Variants in GNB4 observed in about 807,000 individuals in gnomAD.
GNB4 encodes the protein guanine nucleotide-binding protein subunit beta-4.
GNB4 carries 28 observed loss-of-function variants against 45.2 expected under a neutral mutation model. The ratio of observed to expected loss-of-function variants is 0.62; its 90% CI spans 0.46 to 0.85. The LOEUF (loss-of-function observed/expected upper bound fraction) is 0.85, where lower values mean the gene tolerates loss of function less well. GNB4 is among the 40% of genes least tolerant of loss of function. The pLI, the probability that GNB4 is intolerant of heterozygous loss-of-function variation, is 0.00. For synonymous variants in GNB4, 132 were observed against 143.7 expected (o/e 0.92, Z 0.58); for missense variants, 321 against 425.4 (o/e 0.75, Z 2.16).
At chr3:179,421,754 T>A (rs1275800282) in intron 2 of GNB4, among the ~76,000 whole-genome samples, 1 of 152,216 alleles carries the variant, frequency 6.6e-6, no homozygotes, top group Non-Finnish European at 1.5e-5. Context: ...AACCTATTTA[T>A]AACCACTCAG....
chr3:179,465,075 C>A, the GNB4 span: 1 of 1,466,506 alleles, frequency 6.8e-7, no homozygotes, highest in Non-Finnish European at 9.5e-7. Flanking sequence ...AAGAAACATA[C>A]AATTCTTGCA....
intron 2 of GNB4, among the ~76,000 whole-genome samples, chr3:179,423,210 A>G (rs2108599755): frequency 6.6e-6 from 1 of 152,308 alleles, no homozygotes; most frequent in East Asian, 1.9e-4. Context: ...CGCCCACGAC[A>G]TTGTGCTTGG....
intron 1 of GNB4, among the ~76,000 whole-genome samples, chr3:179,443,156 GC>G (rs1715635322): frequency 6.6e-6 from 1 of 152,136 alleles, no homozygotes. Flanking sequence ...TGCTAACTCC[GC>G]TTCATAGGAC....
the GNB4 span, among the ~76,000 whole-genome samples, chr3:179,473,675 G>A: frequency 5.3e-5 from 8 of 152,204 alleles, no homozygotes; most frequent in Non-Finnish European, 5.9e-5. Flanking sequence ...CCAACAGACC[G>A]TTCTGTTTCT....
the GNB4 span, among the ~76,000 whole-genome samples, chr3:179,520,797 A>G: frequency 5.8e-4 from 88 of 151,802 alleles, 1 homozygote; most frequent in African/African-American, 2.0e-3. Context: ...CATTTCCCCA[A>G]ATTTCCTTCT....
At chr3:179,406,376 C>T (rs1714470576) in intron 8 of GNB4, among the ~76,000 whole-genome samples, 4 of 152,134 alleles carry the variant, frequency 2.6e-5, no homozygotes, top group African/African-American at 9.7e-5. Context: ...TAGTGTATTT[C>T]CTCCCCACAT....
chr3:179,458,259 C>T, the GNB4 span, among the ~76,000 whole-genome samples: 1 of 152,174 alleles, frequency 6.6e-6, no homozygotes, highest in African/African-American at 2.4e-5. Flanking sequence ...TACCACTTCA[C>T]CATCCAAATG....
the GNB4 span, among the ~76,000 whole-genome samples, chr3:179,470,627 C>T: frequency 6.6e-6 from 1 of 151,744 alleles, no homozygotes; most frequent in African/African-American, 2.4e-5. Context: ...TCACTGCAAC[C>T]TCTGCCTCCT....
intron 4 of GNB4, among the ~76,000 whole-genome samples, chr3:179,417,890 T>C (rs1457479177): frequency 6.6e-6 from 1 of 152,128 alleles, no homozygotes; most frequent in Non-Finnish European, 1.5e-5. Context: ...TAGTGGGGTA[T>C]AGGATGGCAT....
chr3:179,520,901 T>C, the GNB4 span, among the ~76,000 whole-genome samples: 1 of 152,134 alleles, frequency 6.6e-6, no homozygotes, highest in Non-Finnish European at 1.5e-5. Context: ...TATGCTATAG[T>C]ACAAGCCACT....
At chr3:179,425,510 A>G (rs1715116165) in intron 2 of GNB4, among the ~76,000 whole-genome samples, 1 of 152,260 alleles carries the variant, frequency 6.6e-6, no homozygotes, top group South Asian at 2.1e-4. Flanking sequence ...TCGCTCTGTC[A>G]CCCAGGCTGG....
At chr3:179,466,036 A>G in the GNB4 span, among the ~76,000 whole-genome samples, 1 of 113,736 alleles carries the variant, frequency 8.8e-6, no homozygotes, top group Non-Finnish European at 1.7e-5. Context: ...TTTGAGATTG[A>G]GTCTCGCTCT....
chr3:179,447,210 G>A (rs1454716353), intron 1 of GNB4, among the ~76,000 whole-genome samples: 2 of 152,004 alleles, frequency 1.3e-5, no homozygotes, highest in African/African-American at 2.4e-5. Flanking sequence ...CAAAGGCCCA[G>A]GCAGAAACTA....
At chr3:179,429,952 T>C (rs952026306) in intron 1 of GNB4, among the ~76,000 whole-genome samples, 1 of 152,138 alleles carries the variant, frequency 6.6e-6, no homozygotes, top group Non-Finnish European at 1.5e-5. Flanking sequence ...ATCTATATCA[T>C]AAAGTAGAAG....
chr3:179,516,377 T>C, the GNB4 span, among the ~76,000 whole-genome samples: 1 of 152,216 alleles, frequency 6.6e-6, no homozygotes, highest in South Asian at 2.1e-4. Flanking sequence ...TTTCAGACTC[T>C]GTGGGAAAGG....
the GNB4 span, chr3:179,465,398 C>T: frequency 1.3e-4 from 75 of 566,608 alleles, no homozygotes; most frequent in African/African-American, 5.1e-4. Flanking sequence ...GATCAGGAAA[C>T]GGAGACCATC....
the GNB4 span, among the ~76,000 whole-genome samples, chr3:179,495,104 C>A: frequency 2.0e-5 from 3 of 151,776 alleles, no homozygotes; most frequent in African/African-American, 7.3e-5. Flanking sequence ...GAATTGAAAG[C>A]TAGCTGGGCA....
chr3:179,451,772 C>A (rs1035639887), upstream of GNB4, among the ~76,000 whole-genome samples: 4 of 152,170 alleles, frequency 2.6e-5, no homozygotes, highest in Admixed American at 2.0e-4. Context: ...AAGTAGCGCC[C>A]GTCTAAGTGG....
the GNB4 span, chr3:179,464,434 T>G: frequency 6.5e-7 from 1 of 1,540,152 alleles, no homozygotes; most frequent in Non-Finnish European, 9.0e-7. Context: ...CCCTTCCACC[T>G]CACGGCAGTT....
Sources: gnomAD v4.1 joint callset for allele counts (sites outside exome capture counted in the v4.1 genomes callset) on GRCh38, gnomAD v4.1.1 for gene constraint, MANE v1.5 for transcripts, NCBI Gene and HGNC (gene_info 2026-07-23, HGNC 2026-07-21) for gene names.